FHIT: variants seen among roughly 807,000 people sequenced by gnomAD.
FHIT encodes bis(5'-adenosyl)-triphosphatase.
A neutral mutation model predicts 17.9 loss-of-function variants in FHIT; 19 were observed. The observed-to-expected ratio is 1.06, with a 90% confidence interval of 0.74 to 1.56. FHIT has a LOEUF of 1.56. FHIT is among the 40% of genes most tolerant of loss of function. The probability of loss-of-function intolerance (pLI) is 0.00; values close to 1 mark genes in which losing one functional copy is unlikely to be tolerated. For synonymous variants in FHIT, 81 were observed against 69.7 expected (o/e 1.16, Z -0.81); for missense variants, 248 against 189.2 (o/e 1.31, Z -1.82).
chr3:61,163,540 C>A (rs1316651865), intron 2 of FHIT, among the ~76,000 whole-genome samples: 1 of 152,160 alleles, frequency 6.6e-6, no homozygotes, highest in African/African-American at 2.4e-5. Flanking sequence ...CCACACTTTT[C>A]CCCTGAAGCA....
intron 2 of FHIT, among the ~76,000 whole-genome samples, chr3:61,165,296 CAT>C (rs1485004254): frequency 6.6e-6 from 1 of 152,270 alleles, no homozygotes; most frequent in South Asian, 2.1e-4. Context: ...GCCTCACCAA[CAT>C]GTGTTGTTTT....
intron 8 of FHIT, among the ~76,000 whole-genome samples, chr3:59,763,301 C>G (rs2106793955): frequency 6.6e-6 from 1 of 152,330 alleles, no homozygotes; most frequent in East Asian, 1.9e-4. Context: ...AAAATCTGCA[C>G]TACAAGATGC....
In FHIT at chr3:61,045,255, A is replaced by G. The variant is rs145420650; in HGVS notation, c.-163-3156T>C. Among the ~76,000 whole-genome samples the G allele has an allele frequency of 2.8e-3, 427 of 152,348 alleles. 4 individuals are homozygous for G. The highest frequency in any genetic ancestry group is 9.5e-3 in the African/African-American group (395 of 41,590). On this transcript the variant is annotated intron_variant, in intron 2 of 9. Transcript: ENST00000492590. ...GGAGACCCATCTAACATGCAGAGAC[A>G]CACACAGGCTCAAAATAAAGGGATG... is the stretch of plus-strand genomic sequence containing the variant.
At chr3:60,219,452 T>C (rs1328774220) in intron 5 of FHIT, among the ~76,000 whole-genome samples, 1 of 152,154 alleles carries the variant, frequency 6.6e-6, no homozygotes, top group Admixed American at 6.5e-5. Flanking sequence ...CAAAAGGTAG[T>C]TTGTATTCTC....
intron 4 of FHIT, among the ~76,000 whole-genome samples, chr3:60,654,827 CA>C (rs2040077254): frequency 6.6e-6 from 1 of 151,974 alleles, no homozygotes; most frequent in Non-Finnish European, 1.5e-5. Flanking sequence ...ACTCTGGTGA[CA>C]GAGCAAATGT....
chr3:59,956,888 T>C (rs13322587), intron 7 of FHIT, among the ~76,000 whole-genome samples: 4,037 of 152,298 alleles, frequency 0.027, 202 homozygotes, highest in African/African-American at 0.092. Context: ...ATGTTTCTGC[T>C]TAAAGCACTC....
Position 59,902,572 on chromosome 3 carries a change from T to C in FHIT, c.348+19774A>G, listed in dbSNP as rs11924684. On this transcript the variant is annotated intron_variant, in intron 8 of 9. Transcript: ENST00000492590. ...ATCCACTGACAGATAAATACAGACA[T>C]GCGATGTATATATCAATAATGGAAT... 7.7e-3 allele frequency among the ~76,000 whole-genome samples: 1,164 copies of C among 150,870 alleles called. 9 individuals carry two copies. The highest frequency in any genetic ancestry group is 0.027 in the African/African-American group (1,117 of 41,044).
chr3:61,005,556 C>T (rs1054480291), intron 3 of FHIT, among the ~76,000 whole-genome samples: 7 of 152,010 alleles, frequency 4.6e-5, no homozygotes, highest in East Asian at 1.9e-4. Flanking sequence ...GCAACAGACA[C>T]GAAGAATTCC....
intron 5 of FHIT, among the ~76,000 whole-genome samples, chr3:60,052,061 T>C (rs1701901797): frequency 6.6e-6 from 1 of 152,142 alleles, no homozygotes; most frequent in Non-Finnish European, 1.5e-5. Context: ...GGAAAAGTCA[T>C]ACCCCATATT....
chr3:60,354,218 T>A (rs1699548105), intron 5 of FHIT, among the ~76,000 whole-genome samples: 1 of 152,164 alleles, frequency 6.6e-6, no homozygotes, highest in Non-Finnish European at 1.5e-5. Context: ...AAAGCATACA[T>A]AAACTCATAG....
chr3:60,616,423 T>A (rs1553675943), intron 4 of FHIT, among the ~76,000 whole-genome samples: 2 of 152,192 alleles, frequency 1.3e-5, no homozygotes, highest in African/African-American at 2.4e-5. Context: ...ACTCTTTGAT[T>A]CTTTTTTAAA....
intron 2 of FHIT, among the ~76,000 whole-genome samples, chr3:61,195,655 C>T (rs1286119695): frequency 6.6e-6 from 1 of 152,090 alleles, no homozygotes; most frequent in African/African-American, 2.4e-5. Flanking sequence ...AAGTAGCCAT[C>T]AGGATAACTG....
intron 5 of FHIT, among the ~76,000 whole-genome samples, chr3:60,528,345 G>A (rs963325056): frequency 5.9e-5 from 9 of 151,836 alleles, no homozygotes; most frequent in Admixed American, 3.9e-4. Context: ...TTATCTTAAT[G>A]TAAGATATTA....
chr3:61,235,322 A>G (rs1431791207), intron 1 of FHIT, among the ~76,000 whole-genome samples: 2 of 152,174 alleles, frequency 1.3e-5, no homozygotes, highest in Non-Finnish European at 2.9e-5. Context: ...CTCGTGTGTA[A>G]AACAAGGATA....
At chr3:59,909,080 A>G (rs1447577024) in intron 8 of FHIT, among the ~76,000 whole-genome samples, 1 of 150,966 alleles carries the variant, frequency 6.6e-6, no homozygotes, top group Non-Finnish European at 1.5e-5. Context: ...GTCACCCAGG[A>G]TGGAATGCAG....
intron 5 of FHIT, among the ~76,000 whole-genome samples, chr3:60,093,112 C>T (rs1004952090): frequency 2.6e-5 from 4 of 152,146 alleles, no homozygotes; most frequent in African/African-American, 4.8e-5. Context: ...TGGCTTCAAA[C>T]CACACCACTT....
intron 5 of FHIT, among the ~76,000 whole-genome samples, chr3:60,269,816 T>C (rs1706772708): frequency 2.0e-5 from 3 of 152,154 alleles, no homozygotes; most frequent in Non-Finnish European, 2.9e-5. Flanking sequence ...TACAGGAACT[T>C]TGAGGGAGAA....
At chr3:59,838,300 C>T (rs1454502261) in intron 8 of FHIT, among the ~76,000 whole-genome samples, 1 of 152,166 alleles carries the variant, frequency 6.6e-6, no homozygotes, top group African/African-American at 2.4e-5. Context: ...CCCCATTCTG[C>T]TACAATGTTT....
At chr3:60,605,682 C>A (rs551399619) in intron 4 of FHIT, among the ~76,000 whole-genome samples, 1 of 152,234 alleles carries the variant, frequency 6.6e-6, no homozygotes, top group South Asian at 2.1e-4. Context: ...GTAATGGAAA[C>A]AACTAACATC....
Sources: allele counts gnomAD v4.1 joint callset (sites outside exome capture counted in the v4.1 genomes callset), GRCh38; gene constraint gnomAD v4.1.1; transcripts MANE v1.5; gene names NCBI Gene and HGNC (gene_info 2026-07-23, HGNC 2026-07-21).